Variants in MATN2 observed in about 807,000 individuals in gnomAD.
The protein encoded by MATN2 is matrilin 2.
A neutral mutation model predicts 103.2 loss-of-function variants in MATN2; 69 were observed. The observed-to-expected ratio is 0.67, with a 90% CI of 0.55 to 0.82. MATN2 has a LOEUF of 0.82. Among genes scored for constraint, MATN2 ranks in the 40% least tolerant of loss-of-function variants. The probability of loss-of-function intolerance (pLI) is 0.00; values close to 1 mark genes in which losing one functional copy is unlikely to be tolerated. For synonymous variants in MATN2, 429 were observed against 450.2 expected, an observed-to-expected ratio of 0.95 and a Z score of 0.60; for missense variants, 1,023 against 1,211.5, an observed-to-expected ratio of 0.84 and a Z score of 2.31.
intron 2 of MATN2, among the ~76,000 whole-genome samples, chr8:97,926,263 G>A (rs1378126): frequency 0.65 from 99,423 of 151,942 alleles, 33,234 homozygotes; most frequent in East Asian, 0.92. Context: ...GAAGATCATT[G>A]TATGTTCTTC....
At chr8:98,003,146 C>CTGT (rs1812841962) in intron 7 of MATN2, among the ~76,000 whole-genome samples, 1 of 151,744 alleles carries the variant, frequency 6.6e-6, no homozygotes, top group Admixed American at 6.6e-5. Flanking sequence ...TTTGTGTTCA[C>CTGT]CGTCCCCTCA....
intron 5 of MATN2, among the ~76,000 whole-genome samples, chr8:97,970,827 T>C (rs1161439884): frequency 2.0e-5 from 3 of 152,064 alleles, no homozygotes; most frequent in Non-Finnish European, 4.4e-5. Context: ...GGCCAACACC[T>C]GTAGTCCCAG....
At position 97,945,735 on chromosome 8, in the gene MATN2, T is replaced by TATAA. The variant is rs1412286321; in HGVS notation, c.835+3837_835+3838insTAAA. 3.1e-3 allele frequency among the ~76,000 whole-genome samples: 453 copies of TATAA among 147,104 alleles called. 5 individuals carry two copies. The highest frequency in any genetic ancestry group is 0.011 in the African/African-American group (442 of 39,946). On this transcript the variant is annotated intron_variant, in intron 4 of 18. Coordinates refer to ENST00000254898, the MANE Select transcript of MATN2 (RefSeq NM_002380.5). ...AAAAAAAAATATATATATATATATA[T>TATAA]AATCTCCCCACCATTGTATATTTGT...
At chr8:97,929,916 T>C (rs1022126283) in intron 2 of MATN2, among the ~76,000 whole-genome samples, 1 of 152,238 alleles carries the variant, frequency 6.6e-6, no homozygotes, top group African/African-American at 2.4e-5. Context: ...ATCATGTACA[T>C]ATTTCTCAGT....
At chr8:97,882,249 C>A (rs1194569706) in intron 1 of MATN2, among the ~76,000 whole-genome samples, 3 of 151,458 alleles carry the variant, frequency 2.0e-5, no homozygotes, top group African/African-American at 7.3e-5. Context: ...TTTCACAAGC[C>A]CACAGTTAAC....
At chr8:98,024,482 G>T (rs1813714812) in intron 13 of MATN2, among the ~76,000 whole-genome samples, 1 of 152,062 alleles carries the variant, frequency 6.6e-6, no homozygotes, top group South Asian at 2.1e-4. Context: ...TCCAGCCTGG[G>T]CGAGAGAGCG....
rs576468723 is a variant in MATN2, at chr8:97,879,129, A to T, written c.-26-8946A>T. Among the ~76,000 whole-genome samples the T allele has an allele frequency of 6.0e-4, 91 of 152,332 alleles. No homozygotes were observed. The South Asian group carries it at 0.018, about 30-fold the overall frequency. Reference sequence around the variant, plus strand: ...AGGTGCATGCTGCAGCAGACAACAAACCCATTGTCAGGGGTCTATGAAGCA... The same window carrying T: ...AGGTGCATGCTGCAGCAGACAACAATCCCATTGTCAGGGGTCTATGAAGCA... On this transcript the variant is annotated intron_variant, in intron 1 of 18. Coordinates refer to ENST00000254898, the MANE Select transcript of MATN2 (RefSeq NM_002380.5).
At chr8:97,908,601 A>G (rs996071104) in intron 2 of MATN2, among the ~76,000 whole-genome samples, 2 of 152,198 alleles carry the variant, frequency 1.3e-5, no homozygotes, top group Non-Finnish European at 2.9e-5. Context: ...CATCTACTGT[A>G]CTGACTTAAA....
chr8:98,015,018 C>T (rs1395473319), intron 10 of MATN2, among the ~76,000 whole-genome samples: 1 of 152,166 alleles, frequency 6.6e-6, no homozygotes, highest in African/African-American at 2.4e-5. Context: ...TTTAAAGTAA[C>T]AGCCTGGTTT....
At chr8:98,016,887 G>C (rs1813383023) in intron 11 of MATN2, among the ~76,000 whole-genome samples, 1 of 152,132 alleles carries the variant, frequency 6.6e-6, no homozygotes, top group Non-Finnish European at 1.5e-5. Context: ...ATCAGTATGG[G>C]TTTATCAATA....
chr8:97,955,027 G>A lies in MATN2; in HGVS notation c.836-6381G>A, dbSNP rs562187736. Among the ~76,000 whole-genome samples the A allele has an allele frequency of 1.1e-4, 16 of 152,272 alleles. No homozygotes were observed. In the South Asian group the frequency reaches 3.3e-3, roughly 32 times the overall value. On this transcript the variant is annotated intron_variant, in intron 4 of 18. Coordinates refer to ENST00000254898, the MANE Select transcript of MATN2 (RefSeq NM_002380.5). ...TCAGGAAGAGGCTTGAGCATTCTAG[G>A]CAGAAGGAATGACCTTTGCAAAGGT...
chr8:97,932,114 A>G (rs1246530687), intron 3 of MATN2, among the ~76,000 whole-genome samples: 1 of 152,196 alleles, frequency 6.6e-6, no homozygotes, highest in Non-Finnish European at 1.5e-5. Context: ...CTAGGCCTGG[A>G]TGCTCAGGGA....
At chr8:97,949,314 C>T (rs575596370) in intron 4 of MATN2, among the ~76,000 whole-genome samples, 12 of 151,988 alleles carry the variant, frequency 7.9e-5, no homozygotes, top group Non-Finnish European at 8.8e-5. Context: ...TCTACAGGCA[C>T]GCACCACCAA....
At chr8:97,969,627 A>G (rs1811592469) in intron 5 of MATN2, among the ~76,000 whole-genome samples, 1 of 152,224 alleles carries the variant, frequency 6.6e-6, no homozygotes, top group African/African-American at 2.4e-5. Flanking sequence ...GAGAGAAAGA[A>G]GAATCATGGA....
chr8:97,998,342 A>T (rs1812663946), intron 7 of MATN2, among the ~76,000 whole-genome samples: 1 of 149,808 alleles, frequency 6.7e-6, no homozygotes, highest in Admixed American at 6.6e-5. Flanking sequence ...AACACGGTGA[A>T]ACCCCGTCTC....
At chr8:97,977,188 G>A (rs778297299) in intron 5 of MATN2, among the ~76,000 whole-genome samples, 3 of 139,362 alleles carry the variant, frequency 2.2e-5, no homozygotes, top group Non-Finnish European at 4.6e-5. Context: ...GTGAGCAGAG[G>A]TGGTGCCACT....
At position 97,887,916 on chromosome 8, in the gene MATN2, G is replaced by C; in HGVS notation, c.-26-159G>C. ...GTCCAAGAAGAGCCTACCAACGGGG[G>C]CTACTTAAGCTCTCAAAGGCCAAAC... On this transcript the variant is annotated intron_variant, in intron 1 of 18. Transcript: ENST00000254898. The C allele has an allele frequency of 8.5e-6, 5 of 588,508 alleles. No homozygotes were observed. The South Asian group carries it at 1.0e-4, about 12-fold the overall frequency. The allele number at this position is 588,508 out of a possible 1,614,324, so 36.5% of individuals were successfully genotyped here.
chr8:98,032,149 C>A, intron 15 of MATN2, 97 bp from the exon 16 acceptor site: 1 of 902,216 alleles, frequency 1.1e-6, no homozygotes, highest in Non-Finnish European at 1.7e-6. Flanking sequence ...TAGGTTATGG[C>A]AGGTAGGTAA....
intron 7 of MATN2, among the ~76,000 whole-genome samples, chr8:98,001,331 A>G (rs934700669): frequency 3.9e-5 from 6 of 152,032 alleles, no homozygotes; most frequent in Non-Finnish European, 8.8e-5. Context: ...TTGCATTTAC[A>G]TTTTCATCCT....
Sources: gnomAD v4.1 joint callset for allele counts (sites outside exome capture counted in the v4.1 genomes callset) on GRCh38, gnomAD v4.1.1 for gene constraint, MANE v1.5 for transcripts, NCBI Gene and HGNC (gene_info 2026-07-23, HGNC 2026-07-21) for gene names.